RORA: variants seen among roughly 807,000 people sequenced by gnomAD.
RORA encodes the protein nuclear receptor ROR-alpha.
In RORA, 7 loss-of-function variants were observed where a neutral mutation model predicts 69.5. The ratio of observed to expected loss-of-function variants is 0.10; its 90% CI spans 0.06 to 0.19. The LOEUF (loss-of-function observed/expected upper bound fraction) is 0.19, where lower values mean the gene tolerates loss of function less well. RORA is among the 10% of genes least tolerant of loss of function. RORA has a pLI of 1.00. For synonymous variants in RORA, 261 were observed against 240.8 expected (o/e 1.08, Z -0.78); for missense variants, 457 against 663.0 (o/e 0.69, Z 3.41).
chr15:60,759,018 C>A (rs1397336791), intron 1 of RORA, among the ~76,000 whole-genome samples: 1 of 152,214 alleles, frequency 6.6e-6, no homozygotes, highest in African/African-American at 2.4e-5. Context: ...TTCAGATTTA[C>A]AATCCAGTGG....
intron 1 of RORA, among the ~76,000 whole-genome samples, chr15:60,935,196 C>T (rs1429302168): frequency 1.3e-5 from 2 of 152,194 alleles, no homozygotes; most frequent in Non-Finnish European, 2.9e-5. Context: ...AATTGGCTTG[C>T]CAACCAGTCA....
chr15:60,897,038 G>A (rs1036628926), intron 1 of RORA, among the ~76,000 whole-genome samples: 1 of 152,168 alleles, frequency 6.6e-6, no homozygotes, highest in Non-Finnish European at 1.5e-5. Flanking sequence ...GCAGCTTCAG[G>A]AGTGGGTCCT....
Position 60,753,882 on chromosome 15 carries a change from G to A in RORA, c.167-75196C>T, listed in dbSNP as rs575475844. Among the ~76,000 whole-genome samples the A allele has an allele frequency of 7.9e-4, 120 of 152,242 alleles. 3 individuals carry two copies. The South Asian group carries it at 0.023, about 29-fold the overall frequency. On this transcript the variant is annotated intron_variant, in intron 1 of 10. Coordinates refer to ENST00000335670, the MANE Select transcript of RORA (RefSeq NM_134261.3). The stretch of plus-strand genomic sequence containing the variant: ...AAAGCAAATCCACTTCTATTATCCC[G>A]TTTGATCCTTGTAACAGCATCACGA...
At chr15:60,983,762 G>T (rs953643398) in intron 1 of RORA, among the ~76,000 whole-genome samples, 1 of 152,128 alleles carries the variant, frequency 6.6e-6, no homozygotes, top group African/African-American at 2.4e-5. Flanking sequence ...ATAAACGAAT[G>T]AATACATACC....
chr15:60,663,222 C>T (rs893628599), intron 2 of RORA, among the ~76,000 whole-genome samples: 1 of 152,176 alleles, frequency 6.6e-6, no homozygotes, highest in African/African-American at 2.4e-5. Context: ...ATCTGAGCAT[C>T]TATTCTCTGG....
At chr15:61,201,656 A>G (rs1369265578) in intron 1 of RORA, among the ~76,000 whole-genome samples, 2 of 152,208 alleles carry the variant, frequency 1.3e-5, no homozygotes, top group Non-Finnish European at 2.9e-5. Context: ...GTTCTTCAGA[A>G]GTTTTCACAC....
chr15:61,112,992 G>A (rs2079020675), intron 1 of RORA, among the ~76,000 whole-genome samples: 2 of 152,334 alleles, frequency 1.3e-5, no homozygotes, highest in African/African-American at 4.8e-5. Flanking sequence ...GTGAGCCCAA[G>A]GACGAGAATG....
At chr15:60,730,992 A>G (rs2071423024) in intron 1 of RORA, among the ~76,000 whole-genome samples, 1 of 152,100 alleles carries the variant, frequency 6.6e-6, no homozygotes, top group South Asian at 2.1e-4. Flanking sequence ...GGAATATTTC[A>G]TCACTCAGGT....
At chr15:61,102,676 C>T (rs12324440) in intron 1 of RORA, among the ~76,000 whole-genome samples, 38,321 of 152,136 alleles carry the variant, frequency 0.25, 5,542 homozygotes, top group Non-Finnish European at 0.34. Flanking sequence ...CGGGCTGGTG[C>T]GCTTAATCCT....
At position 60,519,123 on chromosome 15, in the gene RORA, G is replaced by C. The variant is rs1272888013; in HGVS notation, c.283-4366C>G. Reference sequence around the variant, plus strand: ...GTATGGGAGAAAACAGTATCTAAAAGGTTCGCAGTTTCAGGCATCCCCATG... The same window carrying C: ...GTATGGGAGAAAACAGTATCTAAAACGTTCGCAGTTTCAGGCATCCCCATG... On this transcript the variant is annotated intron_variant, in intron 3 of 10. Transcript: ENST00000335670. Among the ~76,000 whole-genome samples the C allele has an allele frequency of 2.6e-5, 4 of 152,006 alleles. 1 individual carries two copies. Among genetic ancestry groups the C allele is most frequent in the Non-Finnish European group, 4.4e-5 (3 of 68,008 alleles).
Position 60,548,828 on chromosome 15 carries a change from A to G in RORA, c.197-16977T>C, listed in dbSNP as rs547857707. ...AATTTTTTGTATTTTTAGTAGAGAC[A>G]GGGTTTCACCGTGGTCTCGATCTCC... On this transcript the variant is annotated intron_variant, in intron 2 of 10. Transcript: ENST00000335670. Among the ~76,000 whole-genome samples the G allele has an allele frequency of 1.3e-3, 196 of 152,118 alleles. 1 individual carries two copies. The highest frequency in any genetic ancestry group is 3.5e-3 in the East Asian group (18 of 5,154).
chr15:60,912,463 A>T (rs1891756916), intron 1 of RORA, among the ~76,000 whole-genome samples: 2 of 151,702 alleles, frequency 1.3e-5, no homozygotes, highest in South Asian at 4.2e-4. Context: ...AAACAAAAAA[A>T]TCACCACCTC....
chr15:60,507,129 A>G (rs1177705815), intron 5 of RORA, among the ~76,000 whole-genome samples: 2 of 152,194 alleles, frequency 1.3e-5, no homozygotes, highest in East Asian at 3.8e-4. Context: ...AATTTGGAGC[A>G]GCTTGGTAAT....
At chr15:60,843,022 C>G (rs1028683219) in intron 1 of RORA, among the ~76,000 whole-genome samples, 17 of 152,116 alleles carry the variant, frequency 1.1e-4, no homozygotes, top group Non-Finnish European at 1.8e-4. Context: ...GTTCACCCAC[C>G]ACACCCCTCG....
At chr15:60,908,149 T>C (rs1223427156) in intron 1 of RORA, among the ~76,000 whole-genome samples, 1 of 152,174 alleles carries the variant, frequency 6.6e-6, no homozygotes, top group African/African-American at 2.4e-5. Context: ...TTATAGTTGA[T>C]CCATGCTGGT....
chr15:60,978,533 A>G (rs576638957), intron 1 of RORA, among the ~76,000 whole-genome samples: 18 of 152,278 alleles, frequency 1.2e-4, no homozygotes, highest in African/African-American at 4.1e-4. Context: ...TTGAAATCCA[A>G]TTTACCAATT....
At chr15:61,197,049 G>T (rs1399252622) in intron 1 of RORA, among the ~76,000 whole-genome samples, 3 of 152,332 alleles carry the variant, frequency 2.0e-5, no homozygotes, top group Middle Eastern at 3.4e-3. Context: ...GGGACCACAG[G>T]GGAAAGCCGA....
At chr15:60,916,858 A>G (rs1465505376) in intron 1 of RORA, among the ~76,000 whole-genome samples, 2 of 152,232 alleles carry the variant, frequency 1.3e-5, no homozygotes, top group East Asian at 3.8e-4. Context: ...CCTAATCAGA[A>G]CATGCTGATG....
chr15:60,616,792 C>T lies in RORA; in HGVS notation c.196+61865G>A, dbSNP rs558466956. Among the ~76,000 whole-genome samples, 458 of 152,310 alleles carry T rather than the reference C, an allele frequency of 3.0e-3. 2 individuals carry two copies. The highest frequency in any genetic ancestry group is 0.024 in the Middle Eastern group (7 of 294). The stretch of plus-strand genomic sequence containing the variant: ...GGTTGAGGTACATCCAGGTTCAGCT[C>T]GACTAGCTGCAAGGTTTGCTGAGTC... On this transcript the variant is annotated intron_variant, in intron 2 of 10. Transcript: ENST00000335670.
Sources: allele counts gnomAD v4.1 joint callset (sites outside exome capture counted in the v4.1 genomes callset), GRCh38; gene constraint gnomAD v4.1.1; transcripts MANE v1.5; gene names NCBI Gene and HGNC (gene_info 2026-07-23, HGNC 2026-07-21).